The following OPCML variants were observed in gnomAD, a reference collection of about 807,000 sequenced individuals.
The protein encoded by OPCML is opioid binding protein/cell adhesion molecule like.
OPCML carries 13 observed loss-of-function variants against 37.8 expected under a neutral mutation model. That is an observed-to-expected ratio of 0.34 (90% CI 0.22 to 0.55). OPCML has a LOEUF of 0.55. OPCML is among the 20% of genes least tolerant of loss of function. OPCML has a pLI of 0.91. For missense variants in OPCML, 341 were observed against 435.6 expected (o/e 0.78, Z 1.93); for synonymous variants, 176 against 168.8 (o/e 1.04, Z -0.33).
intron 2 of OPCML, among the ~76,000 whole-genome samples, chr11:132,799,552 G>A (rs1223556647): frequency 6.6e-6 from 1 of 152,030 alleles, no homozygotes; most frequent in East Asian, 1.9e-4. Flanking sequence ...AATCACAATA[G>A]TCACATCAAA....
At chr11:133,067,776 T>C (rs1948462772) in intron 1 of OPCML, 1 of 152,106 alleles carries the variant, frequency 6.6e-6, no homozygotes, top group African/African-American at 2.4e-5. Flanking sequence ...AGGGATGTCA[T>C]CCCTCAACCC....
intron 1 of OPCML, among the ~76,000 whole-genome samples, chr11:133,289,352 T>C (rs1393899644): frequency 6.6e-6 from 1 of 151,988 alleles, no homozygotes; most frequent in South Asian, 2.1e-4. Context: ...TCCCAGCACT[T>C]TGGGAGGCCG....
chr11:132,505,186 G>T (rs1242493333), intron 4 of OPCML, among the ~76,000 whole-genome samples: 1 of 152,076 alleles, frequency 6.6e-6, no homozygotes, highest in Non-Finnish European at 1.5e-5. Flanking sequence ...TAGGGGCAAG[G>T]CACCATCCAC....
At chr11:133,381,794 CA>C (rs1205361742) in intron 1 of OPCML, among the ~76,000 whole-genome samples, 3 of 152,242 alleles carry the variant, frequency 2.0e-5, no homozygotes, top group Non-Finnish European at 4.4e-5. Flanking sequence ...AATGTTTGGA[CA>C]TGAACACTTT....
rs982425482 is a variant in OPCML, at chr11:133,174,037, C to T, written c.62-231027G>A. Among the ~76,000 whole-genome samples, 12 of 152,238 alleles carry T rather than the reference C, an allele frequency of 7.9e-5. No homozygotes were observed. Among genetic ancestry groups the T allele is most frequent in the Admixed American group, 4.6e-4 (7 of 15,290 alleles). ...GAGCATGGAGAAACGGCCTGGCAGG[C>T]CCTGCACTGCGGCCATAAATCAGGA... On this transcript the variant is annotated intron_variant, in intron 1 of 7. Coordinates refer to ENST00000524381, the MANE Select transcript of OPCML (RefSeq NM_001012393.5). This position sits in a 1 kb window ranked among gnomAD's most constrained non-coding sequence, Gnocchi z 4.6.
Position 133,344,994 on chromosome 11 carries a change from C to A in OPCML, c.61+187270G>T, listed in dbSNP as rs74987574. On this transcript the variant is annotated intron_variant, in intron 1 of 7. Coordinates refer to ENST00000524381, the MANE Select transcript of OPCML (RefSeq NM_001012393.5). ...ACACATCAGTGATTACAGCCTTAGG[C>A]TCTTCCTTACCATCACCCTCTGCGT... is the stretch of plus-strand genomic sequence containing the variant. Among the ~76,000 whole-genome samples, 419 of 152,292 alleles carry A rather than the reference C, an allele frequency of 2.8e-3. 4 individuals carry two copies. The East Asian group carries it at 0.047, about 17-fold the overall frequency.
intron 7 of OPCML, among the ~76,000 whole-genome samples, chr11:132,430,586 T>A (rs1235826877): frequency 6.6e-6 from 1 of 152,230 alleles, no homozygotes; most frequent in African/African-American, 2.4e-5. Context: ...GAAGAAACTC[T>A]GTGCACAGAT....
chr11:133,513,993 C>T (rs969377309), intron 1 of OPCML, among the ~76,000 whole-genome samples: 1 of 152,208 alleles, frequency 6.6e-6, no homozygotes, highest in South Asian at 2.1e-4. Context: ...TCAGTCCCTA[C>T]ACACCAAGCC....
intron 2 of OPCML, among the ~76,000 whole-genome samples, chr11:132,818,437 C>T (rs1489623201): frequency 1.3e-5 from 2 of 151,706 alleles, no homozygotes; most frequent in Non-Finnish European, 2.9e-5. Context: ...CACGATCTAG[C>T]GCAAGAGGGC....
At chr11:133,512,471 C>T (rs190011843) in intron 1 of OPCML, among the ~76,000 whole-genome samples, 2 of 152,330 alleles carry the variant, frequency 1.3e-5, no homozygotes, top group East Asian at 3.9e-4. Context: ...CTCTCTGAAT[C>T]CTGTCCTTTG....
At chr11:132,631,529 G>T (rs1051158517) in intron 3 of OPCML, among the ~76,000 whole-genome samples, 1 of 150,470 alleles carries the variant, frequency 6.6e-6, no homozygotes, top group Non-Finnish European at 1.5e-5. Context: ...GCAAGATCTC[G>T]GCTCACTGCA....
In OPCML at chr11:133,142,820, C is replaced by T. The variant is rs1949843567; in HGVS notation, c.62-199810G>A. On this transcript the variant is annotated intron_variant, in intron 1 of 7. Transcript: ENST00000524381. The stretch of plus-strand genomic sequence containing the variant: ...TCAGGCCAAAGTCCAAACGCTTTTT[C>T]CCCAAGTGCAAGGACTATGAGAAGG... 2.0e-5 allele frequency among the ~76,000 whole-genome samples: 3 copies of T among 152,138 alleles called. No individual in the cohort carries two copies. The South Asian group carries it at 6.2e-4, about 32-fold the overall frequency.
At chr11:133,378,774 C>G (rs12418252) in intron 1 of OPCML, among the ~76,000 whole-genome samples, 1 of 150,888 alleles carries the variant, frequency 6.6e-6, no homozygotes, top group Non-Finnish European at 1.5e-5. Flanking sequence ...ACTCTGTCAC[C>G]TAGGCTGGAC....
chr11:133,082,087 C>T (rs1041575222), intron 1 of OPCML, among the ~76,000 whole-genome samples: 1 of 152,142 alleles, frequency 6.6e-6, no homozygotes, highest in Admixed American at 6.5e-5. Flanking sequence ...CCTGAGACGG[C>T]CGGGGGTGAC....
intron 1 of OPCML, among the ~76,000 whole-genome samples, chr11:133,491,162 G>A (rs12280379): frequency 0.36 from 54,288 of 152,048 alleles, 12,801 homozygotes; most frequent in African/African-American, 0.66. Flanking sequence ...ATGATGCCCA[G>A]GTCGACAACC....
At chr11:133,462,386 A>G (rs954249588) in intron 1 of OPCML, among the ~76,000 whole-genome samples, 1 of 152,144 alleles carries the variant, frequency 6.6e-6, no homozygotes, top group Non-Finnish European at 1.5e-5. Context: ...GACCAGTATC[A>G]TCAGAGTGAA....
At chr11:133,153,284 G>A (rs752488803) in intron 1 of OPCML, among the ~76,000 whole-genome samples, 5 of 151,604 alleles carry the variant, frequency 3.3e-5, no homozygotes, top group Non-Finnish European at 7.4e-5. Context: ...CATGAACCAC[G>A]GGGAGGGCTT....
intron 2 of OPCML, among the ~76,000 whole-genome samples, chr11:132,692,564 A>G (rs1943444936): frequency 6.6e-6 from 1 of 152,214 alleles, no homozygotes; most frequent in Admixed American, 6.5e-5. Context: ...TGGAAAATTA[A>G]TAAATCACCC....
intron 2 of OPCML, among the ~76,000 whole-genome samples, chr11:132,758,054 G>A (rs1397861076): frequency 6.6e-6 from 1 of 152,118 alleles, no homozygotes. Flanking sequence ...ATTAAATAGG[G>A]AATCCTTTCC....
Sources: allele counts gnomAD v4.1 joint callset (sites outside exome capture counted in the v4.1 genomes callset), GRCh38; gene constraint gnomAD v4.1.1; non-coding constraint Gnocchi (gnomAD v3.1); transcripts MANE v1.5; gene names NCBI Gene and HGNC (gene_info 2026-07-23, HGNC 2026-07-21).